Variants in CACNA1F observed in about 807,000 individuals in gnomAD.
The protein encoded by CACNA1F is calcium voltage-gated channel subunit alpha1 F, also known as voltage-dependent L-type calcium channel subunit alpha-1F.
In CACNA1F, 59 loss-of-function variants were observed where a neutral mutation model predicts 143.8. That is an observed-to-expected ratio of 0.41 (90% CI 0.33 to 0.51). CACNA1F has a LOEUF of 0.51. Ranked by LOEUF, CACNA1F falls within the 20% of genes least tolerant of loss-of-function variation. CACNA1F has a pLI of 0.22. For synonymous variants in CACNA1F, 643 were observed against 649.1 expected (o/e 0.99, Z 0.14); for missense variants, 1,411 against 1,647.5 (o/e 0.86, Z 2.48).
intron 26 of CACNA1F, 121 bp downstream of exon 26, chrX:49,217,634 G>A: frequency 4.7e-6 from 3 of 636,185 alleles, no homozygotes; most frequent in Admixed American, 4.8e-5. Context: ...AGATCTGAGG[G>A]CCTCTGCAGT....
chrX:49,213,290 G>A (rs2065676886), intron 31 of CACNA1F, among the ~76,000 whole-genome samples: 1 of 111,674 alleles, frequency 9.0e-6, no homozygotes, highest in Admixed American at 9.5e-5. Flanking sequence ...AACCGATGGA[G>A]AAGCCAATGG....
At position 49,213,897 on chromosome X, in the gene CACNA1F, G is replaced by A; in HGVS notation, c.3714C>T (p.Tyr1238=). The A allele has an allele frequency of 8.4e-7, 1 of 1,188,279 alleles. No individual in the cohort carries two copies. The highest frequency in any genetic ancestry group is 1.1e-6 in the Non-Finnish European group (1 of 875,088). Residue 1238 remains tyrosine (Y), a synonymous_variant, in exon 31 of 48, where the codon TAC becomes TAT. Transcript: ENST00000323022. ...LKIIAFKPKH[Y]FTDAWNTFDA... The stretch of plus-strand genomic sequence containing the variant: ...CAAACGTGTTCCAGGCATCAGTGAA[G>A]TAATGCTGCAAGTAGGAGAAAAGCA...
chrX:49,216,783 AGTC>A (rs1173919878), intron 26 of CACNA1F, among the ~76,000 whole-genome samples: 1 of 112,210 alleles, frequency 8.9e-6, no homozygotes, highest in Non-Finnish European at 1.9e-5. Context: ...AAATGTCACA[AGTC>A]AATAAATGAG....
At chrX:49,210,429 C>T in intron 38 of CACNA1F, 26 bp from the exon 39 acceptor site, 1 of 1,138,052 alleles carries the variant, frequency 8.8e-7, no homozygotes, top group Non-Finnish European at 1.2e-6. Context: ...ACATGAAACC[C>T]ACTCTGGGAA....
chrX:49,217,787 C>T lies in CACNA1F; in HGVS notation c.3057G>A (p.Thr1019=), dbSNP rs782287148. Residue 1019 remains threonine (T), a synonymous_variant, in exon 26 of 48, where the codon ACG becomes ACA. Transcript: ENST00000323022. ...QLFKGKFYTC[T]DEAKHTPQEC... ...CTTGAGGGGTGTGTTTGGCCTCGTCCGTGCAGGTGTAGAATTTCCCCTGTA... is the reference window on the plus strand; with the variant it reads ...CTTGAGGGGTGTGTTTGGCCTCGTCTGTGCAGGTGTAGAATTTCCCCTGTA... 25 of 1,206,967 alleles carry T rather than the reference C, an allele frequency of 2.1e-5. No individual in the cohort carries two copies. Among genetic ancestry groups the T allele is most frequent in the East Asian group, 3.0e-5 (1 of 33,724 alleles).
rs1248972966 is a variant in CACNA1F at position 49,205,700 on chromosome X, G to A, written c.5586C>T (p.Arg1862=). 8.3e-7 allele frequency: 1 copy of A among 1,204,725 alleles called. No individual in the cohort carries two copies. Among genetic ancestry groups the A allele is most frequent in the Admixed American group, 2.2e-5 (1 of 45,473 alleles). Residue 1862 remains arginine, a synonymous_variant, in exon 47 of 48, where the codon CGC becomes CGT. Coordinates refer to ENST00000323022, the MANE Select transcript of CACNA1F (RefSeq NM_001256789.3). ...GYLGRSSGPL[R]TFTCLHVPGT... ...CAGGCACGTGCAGACAGGTGAAGGTGCGCAGTGGGCCACTGGATCTGCCGA... is the reference window on the plus strand; with the variant it reads ...CAGGCACGTGCAGACAGGTGAAGGTACGCAGTGGGCCACTGGATCTGCCGA...
chrX:49,228,362 C>T lies in CACNA1F; in HGVS notation c.903G>A (p.Gly301=), dbSNP rs781967398. The T allele has an allele frequency of 1.7e-6, 2 of 1,210,668 alleles. No homozygotes were observed. Among genetic ancestry groups the T allele is most frequent in the African/African-American group, 1.7e-5 (1 of 57,955 alleles). Residue 301 remains glycine, a synonymous_variant, in exon 7 of 48, where the codon GGG becomes GGA. Transcript: ENST00000323022. Reference sequence around the variant, plus strand: ...TGCCTCCATTGGGCCCTGGCCAGCGCCCGCGGCACTCAGTCTGGTTCAGCG... The same window carrying T: ...TGCCTCCATTGGGCCCTGGCCAGCGTCCGCGGCACTCAGTCTGGTTCAGCG... ...ACTLNQTECR[G]RWPGPNGGIT...
chrX:49,226,094 T>C, intron 12 of CACNA1F, 25 bp from the exon 13 acceptor site: 1 of 1,191,452 alleles, frequency 8.4e-7, no homozygotes, highest in East Asian at 3.0e-5. Context: ...GCCCACAGGC[T>C]GAGATCACCT....
At position 49,230,519 on chromosome X, in the gene CACNA1F, T is replaced by A; in HGVS notation, c.612A>T (p.Ala204=). 8.3e-7 allele frequency: 1 copy of A among 1,203,697 alleles called. No individual in the cohort carries two copies. Among genetic ancestry groups the A allele is most frequent in the Middle Eastern group, 2.3e-4 (1 of 4,309 alleles). ...GCCGCAGCACCCGAAACGCCCTCAA[T>A]GCCTTCACATCGAAGCCTCCTGGCT... ...GGKPGGFDVK[A]LRAFRVLRPL... Residue 204 remains alanine (A), a synonymous_variant, in exon 5 of 48, where the codon GCA becomes GCT. Transcript: ENST00000323022.
chrX:49,219,395 G>A lies in CACNA1F; in HGVS notation c.2599C>T (p.Leu867=). The change falls in exon 21 of 48, where the codon CTG becomes TTG. Residue 867 remains leucine, a synonymous_variant. Transcript: ENST00000323022. ...ACACTGCTGAGGATGATGAACACCA[G>A]GATAAGATTGGTGAAGACATGATGG... ...IHHHVFTNLI[L]VFIILSSVSL... The A allele has an allele frequency of 1.7e-6, 2 of 1,208,255 alleles. No homozygotes were observed. The highest frequency in any genetic ancestry group is 4.4e-5 in the Admixed American group (2 of 45,892).
At chrX:49,227,564 C>A (rs1159277949) in intron 8 of CACNA1F, among the ~76,000 whole-genome samples, 3 of 112,062 alleles carry the variant, frequency 2.7e-5, no homozygotes, top group African/African-American at 9.7e-5. Flanking sequence ...GACCTCAAGC[C>A]ATCCTCCTGC....
rs1056274058 is a variant in CACNA1F at position 49,226,296 on chromosome X, C to T, written c.1464-53G>A. 3.5e-6 allele frequency: 4 copies of T among 1,131,641 alleles called. No individual in the cohort carries two copies. The East Asian group carries it at 1.2e-4, about 34-fold the overall frequency. 93.3% of individuals were successfully genotyped at this position (1,131,641 alleles called of 1,213,427 possible). On this transcript the variant is annotated intron_variant, in intron 11 of 47. Transcript: ENST00000323022. Reference sequence around the variant, plus strand: ...GTGTCGTAAAGGGCAGAAGGGGTGTCAGTGACTGGGGCCAGAGGTCAAGGA... The same window carrying T: ...GTGTCGTAAAGGGCAGAAGGGGTGTTAGTGACTGGGGCCAGAGGTCAAGGA...
At chrX:49,214,459 G>A (rs2065690915) in intron 29 of CACNA1F, among the ~76,000 whole-genome samples, 190 bp from the exon 30 acceptor site, 1 of 112,505 alleles carries the variant, frequency 8.9e-6, no homozygotes, top group South Asian at 3.6e-4. Context: ...AGCTTTTCTT[G>A]TAGTTAGGCA....
At chrX:49,218,855 G>C (rs972167828) in intron 22 of CACNA1F, 27 bp downstream of exon 22, 8 of 1,164,144 alleles carry the variant, frequency 6.9e-6, no homozygotes, top group Non-Finnish European at 9.3e-6. Flanking sequence ...GGGCAACTGA[G>C]GGTAGGACTG....
rs782739375 is a variant in CACNA1F at position 49,230,392 on chromosome X, G to A, written c.665-20C>T. ...GCAGGCCTGCGGGGAGGGAGGGGGA[G>A]GCAGAAATAAGGGCGGGGTCAGCTC... On this transcript the variant is annotated intron_variant, in intron 5 of 47. Transcript: ENST00000323022. The A allele has an allele frequency of 1.2e-5, 14 of 1,209,485 alleles. No homozygotes were observed. The highest frequency in any genetic ancestry group is 1.6e-5 in the Non-Finnish European group (14 of 894,085).
chrX:49,205,087 G>T lies in CACNA1F; in HGVS notation c.*50C>A. ...ATGTGGTCCATGCCTGCCTCCTGCT[G>T]GGGAGGGGAGGGCAGGAGGTTTATT... On this transcript the variant is annotated 3_prime_UTR_variant, in exon 48 of 48. Transcript: ENST00000323022. The T allele has an allele frequency of 1.1e-6, 1 of 926,168 alleles. No homozygotes were observed. Among genetic ancestry groups the T allele is most frequent in the Non-Finnish European group, 1.6e-6 (1 of 642,015 alleles). The allele number at this position is 926,168 out of a possible 1,213,427, so 76.3% of individuals were successfully genotyped here. A position where few individuals can be genotyped will look rare whatever the true frequency, so the allele number is the denominator to read the frequency against.
chrX:49,226,873 G>T, intron 9 of CACNA1F, 97 bp downstream of exon 9: 1 of 1,108,832 alleles, frequency 9.0e-7, no homozygotes, highest in South Asian at 1.9e-5. Flanking sequence ...AGGCCTGGGT[G>T]GGTCTCAGGA....
rs1557105466 is a variant in CACNA1F at position 49,208,597 on chromosome X, A to T, written c.5041T>A (p.Ser1681Thr). 8.3e-7 allele frequency: 1 copy of T among 1,210,359 alleles called. No individual in the cohort carries two copies. The highest frequency in any genetic ancestry group is 1.1e-6 in the Non-Finnish European group (1 of 894,496). The change falls in exon 43 of 48, where the codon TCC becomes ACC. Residue 1681 changes from serine (S) to threonine (T), a missense_variant. Ser to Thr is a moderately conservative substitution (Grantham distance 58). Transcript: ENST00000323022. Reference sequence around the variant, plus strand: ...CTGTCATCATCACTGGGCCCAAAGGAGAGTGAATCTGGAAGTCTGTCCCCG... The same window carrying T: ...CTGTCATCATCACTGGGCCCAAAGGTGAGTGAATCTGGAAGTCTGTCCCCG... The part of the protein sequence containing the change: ...PVGDRLPDSL[S>T]FGPSDDDRGT...
chrX:49,222,924 C>T lies in CACNA1F; in HGVS notation c.2085+5G>A, dbSNP rs183347621. 1 of 846,880 alleles carries T rather than the reference C, an allele frequency of 1.2e-6. No homozygotes were observed. The highest frequency in any genetic ancestry group is 4.9e-5 in the East Asian group (1 of 20,526). 69.8% of individuals were successfully genotyped at this position (846,880 alleles called of 1,213,427 possible). A position where few individuals can be genotyped will look rare whatever the true frequency, so the allele number is the denominator to read the frequency against. ...CCCACCCATCCCATGGTCTCCAGATCCTACCTGAAAGACAGTGAGGAGGGC... is the reference window on the plus strand; with the variant it reads ...CCCACCCATCCCATGGTCTCCAGATTCTACCTGAAAGACAGTGAGGAGGGC... On this transcript the variant is annotated splice_donor_5th_base_variant and intron_variant, in intron 15 of 47. Coordinates refer to ENST00000323022, the MANE Select transcript of CACNA1F (RefSeq NM_001256789.3).
Sources: gnomAD v4.1 joint callset for allele counts (sites outside exome capture counted in the v4.1 genomes callset) on GRCh38, gnomAD v4.1.1 for gene constraint, MANE v1.5 for transcripts, NCBI Gene and HGNC (gene_info 2026-07-23, HGNC 2026-07-21) for gene names.